RASAL2: variants seen among roughly 807,000 people sequenced by gnomAD.
RASAL2 encodes the protein RAS protein activator like 2, also known as ras GTPase-activating protein nGAP.
Under a neutral mutation model 128.9 loss-of-function variants are expected in RASAL2, and 58 were observed. That is an observed-to-expected ratio of 0.45 (90% CI 0.36 to 0.56). RASAL2 has a LOEUF of 0.56. RASAL2 is among the 20% of genes least tolerant of loss of function. The pLI, the probability that RASAL2 is intolerant of heterozygous loss-of-function variation, is 0.00. For synonymous variants in RASAL2, 561 were observed against 580.8 expected (o/e 0.97, Z 0.49); for missense variants, 1,360 against 1,601.6 (o/e 0.85, Z 2.57).
At chr1:178,168,621 T>C (rs1429336554) in intron 1 of RASAL2, among the ~76,000 whole-genome samples, 1 of 152,066 alleles carries the variant, frequency 6.6e-6, no homozygotes, top group African/African-American at 2.4e-5. Flanking sequence ...ATCTCAACAA[T>C]AGCACTGCTA....
intron 1 of RASAL2, among the ~76,000 whole-genome samples, chr1:178,237,571 T>TG (rs1374047790): frequency 6.6e-6 from 1 of 152,230 alleles, no homozygotes; most frequent in African/African-American, 2.4e-5. Context: ...AGTTTACCAA[T>TG]GTGGTGGTAA....
chr1:178,164,823 T>TTG (rs200932615), intron 1 of RASAL2, among the ~76,000 whole-genome samples: 14,797 of 131,790 alleles, frequency 0.11, 784 homozygotes, highest in East Asian at 0.13. Flanking sequence ...CATCAAACGT[T>TTG]TGTGTGTGTG....
In RASAL2 at chr1:178,161,814, G is replaced by A. The variant is rs574242603; in HGVS notation, c.202+67120G>A. On this transcript the variant is annotated intron_variant, in intron 1 of 17. Coordinates refer to ENST00000367649, the MANE Select transcript of RASAL2 (RefSeq NM_170692.4). ...AGTGGGTGTGAAGTGGCATCTCTGT[G>A]TATTTCCTTGGTGACTAATAGTGCT... is the stretch of plus-strand genomic sequence containing the variant. Among the ~76,000 whole-genome samples the A allele has an allele frequency of 2.6e-4, 39 of 151,944 alleles. No individual in the cohort carries two copies. The South Asian group carries it at 7.7e-3, about 30-fold the overall frequency.
At chr1:178,236,983 C>T (rs1664279519) in intron 1 of RASAL2, among the ~76,000 whole-genome samples, 1 of 151,820 alleles carries the variant, frequency 6.6e-6, no homozygotes, top group Non-Finnish European at 1.5e-5. Flanking sequence ...AGGCTGGTCT[C>T]GAACTTCTGA....
rs1434789381 is a variant in RASAL2 at position 178,186,315 on chromosome 1, T to G, written c.202+91621T>G. Reference sequence around the variant, plus strand: ...GAGATTTATCTATTTTGTTGATCTATTCAAAGAACCAGCTTCTGGTTTTGT... The same window carrying G: ...GAGATTTATCTATTTTGTTGATCTAGTCAAAGAACCAGCTTCTGGTTTTGT... On this transcript the variant is annotated intron_variant, in intron 1 of 17. Coordinates refer to ENST00000367649, the MANE Select transcript of RASAL2 (RefSeq NM_170692.4). Among the ~76,000 whole-genome samples the G allele has an allele frequency of 2.6e-5, 4 of 152,108 alleles. No individual in the cohort carries two copies. In the East Asian group the frequency reaches 7.7e-4, roughly 29 times the overall value.
intron 1 of RASAL2, among the ~76,000 whole-genome samples, chr1:178,187,751 T>C (rs1489661810): frequency 2.6e-5 from 4 of 152,084 alleles, no homozygotes; most frequent in Non-Finnish European, 4.4e-5. Flanking sequence ...TTAGGGTGGA[T>C]CTGAAGTACC....
At chr1:178,233,109 C>T (rs903694284) in intron 1 of RASAL2, among the ~76,000 whole-genome samples, 7 of 152,144 alleles carry the variant, frequency 4.6e-5, no homozygotes, top group Non-Finnish European at 7.3e-5. Context: ...TGGAAAATGG[C>T]GTAATAACAT....
At chr1:178,373,733 G>A (rs1257968743) in intron 3 of RASAL2, among the ~76,000 whole-genome samples, 1 of 151,932 alleles carries the variant, frequency 6.6e-6, no homozygotes, top group African/African-American at 2.4e-5. Flanking sequence ...GGTTAACAAA[G>A]ATGAGTAAAT....
At chr1:178,163,095 C>G (rs764975935) in intron 1 of RASAL2, among the ~76,000 whole-genome samples, 7 of 151,802 alleles carry the variant, frequency 4.6e-5, no homozygotes, top group African/African-American at 1.5e-4. Flanking sequence ...CTCAGCCTCC[C>G]GAGTAGCTGG....
At chr1:178,287,581 G>A (rs1240503249) in intron 2 of RASAL2, among the ~76,000 whole-genome samples, 1 of 151,998 alleles carries the variant, frequency 6.6e-6, no homozygotes. Flanking sequence ...GCAAAAATAC[G>A]GAACCAGCCC....
intron 1 of RASAL2, among the ~76,000 whole-genome samples, chr1:178,187,996 A>G (rs554674783): frequency 2.6e-5 from 4 of 152,230 alleles, no homozygotes; most frequent in East Asian, 3.9e-4. Flanking sequence ...TAGCTATACA[A>G]TGCTCTGGGT....
Position 178,454,550 on chromosome 1 carries a change from A to G in RASAL2, c.2113A>G (p.Ile705Val). ...TTTGGAGATCTCTAATCCAGACACC[A>G]TCTCAAACACCCCAGGCTTTGATGG... ...FLLEISNPDT[I>V]SNTPGFDGYI... is the part of the protein sequence containing the mutation. Residue 705 changes from isoleucine to valine, a missense_variant, in exon 12 of 18, where the codon ATC (isoleucine) becomes GTC (valine). Physicochemically the swap from Ile to Val is conservative, Grantham distance 29. Around this residue, in one of 3 missense-constraint regions of RASAL2, gnomAD observed 741 missense variants for 868.6 expected, o/e 0.85. Coordinates refer to ENST00000367649, the MANE Select transcript of RASAL2 (RefSeq NM_170692.4). The G allele has an allele frequency of 1.2e-6, 2 of 1,613,930 alleles. No homozygotes were observed. The highest frequency in any genetic ancestry group is 1.7e-6 in the Non-Finnish European group (2 of 1,179,826).
chr1:178,379,911 G>A (rs771940330), intron 3 of RASAL2, among the ~76,000 whole-genome samples: 2 of 152,188 alleles, frequency 1.3e-5, no homozygotes, highest in African/African-American at 2.4e-5. Context: ...TTGGAAATTT[G>A]TGACTTAATT....
At chr1:178,400,611 TA>T (rs1464441066) in intron 4 of RASAL2, among the ~76,000 whole-genome samples, 1 of 152,210 alleles carries the variant, frequency 6.6e-6, no homozygotes, top group Non-Finnish European at 1.5e-5. Flanking sequence ...AAATGTTTGA[TA>T]TTTTAAAAAA....
At chr1:178,365,069 T>TA (rs1008314728) in intron 3 of RASAL2, among the ~76,000 whole-genome samples, 1 of 152,038 alleles carries the variant, frequency 6.6e-6, no homozygotes, top group African/African-American at 2.4e-5. Flanking sequence ...TGCTTTTTTT[T>TA]TTATTACTTT....
intron 1 of RASAL2, among the ~76,000 whole-genome samples, chr1:178,201,485 G>GC (rs1662868169): frequency 1.3e-5 from 2 of 152,316 alleles, no homozygotes; most frequent in African/African-American, 4.8e-5. Flanking sequence ...TGTGAGGGCA[G>GC]CATCTGCATC....
chr1:178,328,241 C>T (rs192559572), intron 3 of RASAL2, among the ~76,000 whole-genome samples: 232 of 150,928 alleles, frequency 1.5e-3, no homozygotes, highest in African/African-American at 5.6e-3. Context: ...GTCTCTTATT[C>T]CTATTTCTTT....
chr1:178,470,282 G>A (rs958314718), intron 17 of RASAL2, among the ~76,000 whole-genome samples: 6 of 152,196 alleles, frequency 3.9e-5, no homozygotes, highest in African/African-American at 1.4e-4. Context: ...CAGTAAACTG[G>A]TTTTCATGTC....
At position 178,473,301 on chromosome 1, in the gene RASAL2, T is replaced by C; in HGVS notation, c.*62T>C. The C allele has an allele frequency of 1.3e-6, 2 of 1,579,836 alleles. No homozygotes were observed. The highest frequency in any genetic ancestry group is 1.7e-6 in the Non-Finnish European group (2 of 1,151,756). On this transcript the variant is annotated 3_prime_UTR_variant, in exon 18 of 18. Coordinates refer to ENST00000367649, the MANE Select transcript of RASAL2 (RefSeq NM_170692.4). ...ACCCACTCTCCTATCTCCAGACCTT[T>C]ACCTAGCCCCTCCAGGTTTACAGAA...
Sources: gnomAD v4.1 joint callset for allele counts (sites outside exome capture counted in the v4.1 genomes callset) on GRCh38, gnomAD v4.1.1 for gene constraint, gnomAD v4.1.1 regional missense constraint, MANE v1.5 for transcripts, NCBI Gene and HGNC (gene_info 2026-07-23, HGNC 2026-07-21) for gene names.